The following ABCA3 variants were observed in gnomAD, a reference collection of about 807,000 sequenced individuals.
ABCA3 encodes the protein phospholipid-transporting ATPase ABCA3.
ABCA3 carries 88 observed loss-of-function variants against 172.8 expected under a neutral mutation model. That is an observed-to-expected ratio of 0.51 (90% CI 0.43 to 0.61). The LOEUF (loss-of-function observed/expected upper bound fraction) is 0.61. Ranked by LOEUF, ABCA3 falls within the 20% of genes least tolerant of loss-of-function variation. ABCA3 has a pLI of 0.00. For synonymous variants in ABCA3, 1,066 were observed against 983.8 expected (o/e 1.08, Z -1.56); for missense variants, 2,164 against 2,301.0 (o/e 0.94, Z 1.22).
intron 18 of ABCA3, among the ~76,000 whole-genome samples, chr16:2,294,885 A>C (rs2093677360): frequency 6.6e-6 from 1 of 152,148 alleles, no homozygotes; most frequent in African/African-American, 2.4e-5. Context: ...TGGGAGGCTG[A>C]GGCAGGAGAA....
chr16:2,329,738 C>CG lies in ABCA3; in HGVS notation c.-423dup, dbSNP rs1017874116. ...GGAGGCGGCTCCGCACAGAGGGCTCCGGGGTGGGGCCTGAGAGCCTCTGGA... is the reference window on the plus strand; with the variant it reads ...GGAGGCGGCTCCGCACAGAGGGCTCCGGGGGTGGGGCCTGAGAGCCTCTGGA... On this transcript the variant is annotated 5_prime_UTR_variant, in exon 2 of 33. The change abolishes the stop of an existing upstream ORF in the 5' untranslated region. Coordinates refer to ENST00000301732, the MANE Select transcript of ABCA3 (RefSeq NM_001089.3). The CG allele has an allele frequency of 3.3e-5, 5 of 152,246 alleles. No homozygotes were observed. Among genetic ancestry groups the CG allele is most frequent in the African/African-American group, 1.2e-4 (5 of 41,408 alleles). The allele number at this position is 152,246 out of a possible 1,614,324, so 9.4% of individuals were successfully genotyped here. A position where few individuals can be genotyped will look rare whatever the true frequency, so the allele number is the denominator to read the frequency against.
At chr16:2,292,788 C>G (rs2093674090) in intron 18 of ABCA3, among the ~76,000 whole-genome samples, 1 of 151,620 alleles carries the variant, frequency 6.6e-6, no homozygotes, top group East Asian at 2.0e-4. Context: ...AAACAACAAA[C>G]AACAACAACA....
intron 17 of ABCA3, among the ~76,000 whole-genome samples, chr16:2,296,022 C>T (rs957229489): frequency 5.9e-5 from 9 of 152,154 alleles, no homozygotes; most frequent in Admixed American, 5.2e-4. Context: ...TATACAAGCA[C>T]CAGGGAAGGA....
chr16:2,317,215 G>A, intron 10 of ABCA3, 68 bp downstream of exon 10: 1 of 1,604,526 alleles, frequency 6.2e-7, no homozygotes, highest in Non-Finnish European at 8.5e-7. Flanking sequence ...CACAGCCTCT[G>A]GGTTATTTCC....
Position 2,277,776 on chromosome 16 carries a change from G to A in ABCA3, c.4909+103C>T. 6.3e-7 allele frequency: 1 copy of A among 1,591,182 alleles called. No homozygotes were observed. The highest frequency in any genetic ancestry group is 8.6e-7 in the Non-Finnish European group (1 of 1,167,262). On this transcript the variant is annotated intron_variant, in intron 31 of 32. Transcript: ENST00000301732. This position sits in a 1 kb window ranked among gnomAD's most constrained non-coding sequence, Gnocchi z 5.3. ...CCTCGTCCCAGGGATTGGGGAGATG[G>A]GACTTGGCGGGGCGAGGCACAGACG...
intron 13 of ABCA3, 128 bp downstream of exon 13, chr16:2,299,877 C>T (rs1275892289): frequency 7.2e-7 from 1 of 1,381,996 alleles, no homozygotes; most frequent in Non-Finnish European, 1.0e-6. Context: ...TCCTGCCCTC[C>T]TTCAGGGCAG....
chr16:2,300,789 C>T (rs1244083398), intron 12 of ABCA3, among the ~76,000 whole-genome samples: 2 of 152,232 alleles, frequency 1.3e-5, no homozygotes, highest in East Asian at 3.8e-4. Flanking sequence ...TTGGCAGGAT[C>T]AGTGCCAGGG....
At chr16:2,308,405 G>A (rs2093701152) in intron 11 of ABCA3, 45 bp downstream of exon 11, 1 of 1,612,534 alleles carries the variant, frequency 6.2e-7, no homozygotes, top group South Asian at 1.1e-5. Flanking sequence ...TGCTCTCGAA[G>A]GTTACTGATT....
At chr16:2,322,825 G>A (rs1186125892) in intron 7 of ABCA3, among the ~76,000 whole-genome samples, 2 of 151,970 alleles carry the variant, frequency 1.3e-5, no homozygotes, top group African/African-American at 4.8e-5. Context: ...AAACTCAAGA[G>A]CTTCTGCACA....
chr16:2,312,316 C>A (rs886207403), intron 10 of ABCA3, among the ~76,000 whole-genome samples: 1 of 152,086 alleles, frequency 6.6e-6, no homozygotes, highest in Non-Finnish European at 1.5e-5. Context: ...AAAAATGGTG[C>A]CCCATGGAAA....
chr16:2,301,033 A>C lies in ABCA3; in HGVS notation c.1468-885T>G, dbSNP rs531317189. The stretch of plus-strand genomic sequence containing the variant: ...ATCATGAGGTCAGGAGATCGAGACC[A>C]TCCTGGCTAACACGGTGAAACCCCG... On this transcript the variant is annotated intron_variant, in intron 12 of 32. Transcript: ENST00000301732. Among the ~76,000 whole-genome samples the C allele has an allele frequency of 1.4e-4, 21 of 150,164 alleles. 1 individual carries two copies. The highest frequency in any genetic ancestry group is 4.2e-4 in the South Asian group (2 of 4,818).
chr16:2,289,408 ACCCG>A, intron 20 of ABCA3, 22 bp downstream of exon 20: 1 of 1,054,106 alleles, frequency 9.5e-7, no homozygotes. Context: ...TTCCCCCGCC[ACCCG>A]CCCACCCACC....
At chr16:2,290,534 G>A (rs1171865432) in intron 19 of ABCA3, among the ~76,000 whole-genome samples, 3 of 152,166 alleles carry the variant, frequency 2.0e-5, no homozygotes, top group Non-Finnish European at 2.9e-5. Flanking sequence ...CTGCTGAGAC[G>A]CAGCAGGATC....
At chr16:2,292,994 CT>C (rs1416699336) in intron 18 of ABCA3, among the ~76,000 whole-genome samples, 2 of 152,178 alleles carry the variant, frequency 1.3e-5, no homozygotes, top group African/African-American at 2.4e-5. Context: ...AATCACCCCC[CT>C]AATCCCCCTA....
intron 14 of ABCA3, among the ~76,000 whole-genome samples, chr16:2,299,097 C>A (rs559179555): frequency 2.1e-5 from 3 of 139,942 alleles, no homozygotes; most frequent in Non-Finnish European, 3.2e-5. Context: ...CCCTGGGGGT[C>A]CCCCTGCATT....
chr16:2,326,306 G>A (rs772457460), intron 4 of ABCA3, 32 bp from the exon 5 acceptor site: 1 of 1,611,570 alleles, frequency 6.2e-7, no homozygotes, highest in Non-Finnish European at 8.5e-7. Flanking sequence ...ACGGTGATGG[G>A]CTGCAAGGCA....
intron 8 of ABCA3, among the ~76,000 whole-genome samples, chr16:2,319,281 T>G (rs575758598): frequency 2.0e-5 from 3 of 152,086 alleles, no homozygotes; most frequent in South Asian, 4.2e-4. Context: ...GTCAGGAGAT[T>G]GAGACCATCC....
At position 2,324,531 on chromosome 16, in the gene ABCA3, A is replaced by G. The variant is rs1416764724; in HGVS notation, c.320T>C (p.Val107Ala). Reference protein sequence around the residue: ...VRRALVINMRVRGFPSEKDFE... With the variant: ...VRRALVINMRARGFPSEKDFE... Reference sequence around the variant, plus strand: ...GTCCTTCTCGGAGGGAAAGCCGCGCACTGCAAAGAGAGAGCACGGGAGCTG... The same window carrying G: ...GTCCTTCTCGGAGGGAAAGCCGCGCGCTGCAAAGAGAGAGCACGGGAGCTG... The change falls in exon 6 of 33, where the codon GTG (valine) becomes GCG (alanine). Residue 107 changes from valine to alanine, a missense_variant and splice_region_variant. By Grantham distance (64) the Val-to-Ala change is moderately conservative. Transcript: ENST00000301732. 8.7e-6 allele frequency: 14 copies of G among 1,609,072 alleles called. No homozygotes were observed. Among genetic ancestry groups the G allele is most frequent in the Non-Finnish European group, 1.1e-5 (13 of 1,179,874 alleles).
chr16:2,298,814 G>A (rs975179080), intron 14 of ABCA3, among the ~76,000 whole-genome samples: 2 of 152,160 alleles, frequency 1.3e-5, no homozygotes, highest in Non-Finnish European at 2.9e-5. Flanking sequence ...ATCAGCCCCC[G>A]CCCCGGGTCC....
Sources: allele counts gnomAD v4.1 joint callset (sites outside exome capture counted in the v4.1 genomes callset), GRCh38; gene constraint gnomAD v4.1.1; non-coding constraint Gnocchi (gnomAD v3.1); transcripts MANE v1.5; gene names NCBI Gene and HGNC (gene_info 2026-07-23, HGNC 2026-07-21).